The following PUS7 variants were observed in gnomAD, a reference collection of about 807,000 sequenced individuals.
PUS7 encodes pseudouridylate synthase 7 homolog.
Under a neutral mutation model 79.8 loss-of-function variants are expected in PUS7, and 48 were observed. The observed-to-expected ratio is 0.60, with a 90% CI of 0.48 to 0.76. The LOEUF (loss-of-function observed/expected upper bound fraction) is 0.76, where lower values mean the gene tolerates loss of function less well. Ranked by LOEUF, PUS7 falls within the 30% of genes least tolerant of loss-of-function variation. The pLI, the probability that PUS7 is intolerant of heterozygous loss-of-function variation, is 0.00. For synonymous variants in PUS7, 286 were observed against 272.2 expected, an observed-to-expected ratio of 1.05 and a Z score of -0.50; for missense variants, 729 against 797.6, an observed-to-expected ratio of 0.91 and a Z score of 1.04.
chr7:105,510,343 C>G (rs1293319485), intron 1 of PUS7, among the ~76,000 whole-genome samples: 3 of 151,754 alleles, frequency 2.0e-5, no homozygotes, highest in African/African-American at 7.3e-5. Flanking sequence ...TGTATAACCA[C>G]GCTTACTGAC....
At position 105,510,130 on chromosome 7, in the gene PUS7, G is replaced by A. The variant is rs116608663; in HGVS notation, c.-32-1586C>T. 9.3e-3 allele frequency among the ~76,000 whole-genome samples: 1,409 copies of A among 152,086 alleles called. 15 individuals carry two copies. Among genetic ancestry groups the A allele is most frequent in the African/African-American group, 0.033 (1,359 of 41,500 alleles). On this transcript the variant is annotated intron_variant, in intron 1 of 15. Coordinates refer to ENST00000469408, the MANE Select transcript of PUS7 (RefSeq NM_019042.5). ...AGCCCGATCAACAAGGAGAAATTCCGTCTCTACTGAAAATACAAAATTAGC... is the reference window on the plus strand; with the variant it reads ...AGCCCGATCAACAAGGAGAAATTCCATCTCTACTGAAAATACAAAATTAGC...
chr7:105,465,573 C>G (rs1020202561), intron 12 of PUS7, among the ~76,000 whole-genome samples, 159 bp from the exon 13 acceptor site: 2 of 152,190 alleles, frequency 1.3e-5, no homozygotes, highest in African/African-American at 4.8e-5. Flanking sequence ...TGGCTCACAC[C>G]TATAATCCCA....
At chr7:105,496,226 TAGAGAG>T (rs1220535538) in intron 5 of PUS7, among the ~76,000 whole-genome samples, 40 of 81,144 alleles carry the variant, frequency 4.9e-4, no homozygotes, top group East Asian at 2.4e-3. Flanking sequence ...TATATATATA[TAGAGAG>T]AGAGAGAGAG....
At chr7:105,521,748 C>A (rs1316189841) in intron 1 of PUS7, among the ~76,000 whole-genome samples, 4 of 152,098 alleles carry the variant, frequency 2.6e-5, no homozygotes, top group Admixed American at 2.0e-4. Context: ...GACAGCGCCG[C>A]GCGGGGAGGA....
chr7:105,468,570 T>C, intron 11 of PUS7, 107 bp from the exon 12 acceptor site: 1 of 1,008,208 alleles, frequency 9.9e-7, no homozygotes, highest in Non-Finnish European at 1.4e-6. Flanking sequence ...CAGGCTGGAG[T>C]GCAGTGGCAC....
intron 15 of PUS7, among the ~76,000 whole-genome samples, 161 bp from the exon 16 acceptor site, chr7:105,458,087 G>A (rs77976962): frequency 6.6e-6 from 1 of 152,162 alleles, no homozygotes; most frequent in African/African-American, 2.4e-5. Context: ...TAAGAGATCT[G>A]TGAGTGTGAA....
intron 7 of PUS7, among the ~76,000 whole-genome samples, chr7:105,485,129 ACAGGGGT>A (rs1315967706): frequency 6.6e-6 from 1 of 152,048 alleles, no homozygotes; most frequent in Non-Finnish European, 1.5e-5. Flanking sequence ...TGCTGGGATT[ACAGGGGT>A]CAGCCACCAC....
intron 14 of PUS7, 200 bp downstream of exon 14, chr7:105,462,421 A>G (rs1823468728): frequency 3.8e-6 from 2 of 531,454 alleles, no homozygotes; most frequent in Non-Finnish European, 6.4e-6. Flanking sequence ...GACTAGTGAA[A>G]CTCCGTCTCA....
In PUS7 at chr7:105,481,163, G is replaced by C; in HGVS notation, c.1064C>G (p.Thr355Ser). 1 of 1,608,202 alleles carries C rather than the reference G, an allele frequency of 6.2e-7. No homozygotes were observed. Among genetic ancestry groups the C allele is most frequent in the Non-Finnish European group, 8.5e-7 (1 of 1,177,488 alleles). Residue 355 changes from threonine to serine, a missense_variant, in exon 9 of 16, where the codon ACT (threonine) becomes AGT (serine). Coordinates refer to ENST00000469408, the MANE Select transcript of PUS7 (RefSeq NM_019042.5). The stretch of plus-strand genomic sequence containing the variant: ...CATAGCTTGCTGTACTTGGTCATCA[G>C]TTCCTGTTATATTTCTACAGGGACA... ...FTVVLRNITGTDDQVQQAMNS... is the reference protein window; with the variant it reads ...FTVVLRNITGSDDQVQQAMNS...
chr7:105,492,369 G>C (rs1325106503), intron 6 of PUS7, among the ~76,000 whole-genome samples: 1 of 151,994 alleles, frequency 6.6e-6, no homozygotes, highest in Admixed American at 6.6e-5. Flanking sequence ...CTGTCACCCA[G>C]GCTGGAGTGC....
In PUS7 at chr7:105,482,325, T is replaced by C; in HGVS notation, c.1036A>G (p.Thr346Ala). ...KLGELQGNHF[T>A]VVLRNITGTD... ...GCAGTTCTTTACCTGAGAACAACAG[T>C]GAAGTGGTTTCCTTGAAGCTCTCCC... is the stretch of plus-strand genomic sequence containing the variant. The change falls in exon 8 of 16, where the codon ACT (threonine) becomes GCT (alanine). Residue 346 changes from threonine to alanine, a missense_variant. Physicochemically the swap from Thr to Ala is moderately conservative, Grantham distance 58. Transcript: ENST00000469408. 6.2e-7 allele frequency: 1 copy of C among 1,613,508 alleles called. No homozygotes were observed. Among genetic ancestry groups the C allele is most frequent in the Non-Finnish European group, 8.5e-7 (1 of 1,179,686 alleles).
chr7:105,490,631 A>T (rs1824743310), intron 7 of PUS7, among the ~76,000 whole-genome samples: 1 of 152,078 alleles, frequency 6.6e-6, no homozygotes, highest in Non-Finnish European at 1.5e-5. Flanking sequence ...ATCCTGCCTA[A>T]CTCCTAGATC....
chr7:105,460,849 G>T (rs74828760), intron 14 of PUS7, among the ~76,000 whole-genome samples: 1 of 37,350 alleles, frequency 2.7e-5, no homozygotes, highest in Non-Finnish European at 4.8e-5. Flanking sequence ...GCGAGACTCC[G>T]TCTCAAAAAA....
At chr7:105,469,234 CTTTTTCTTTTTAATCTCTCA>C (rs1823779530) in intron 11 of PUS7, among the ~76,000 whole-genome samples, 1 of 151,824 alleles carries the variant, frequency 6.6e-6, no homozygotes. Flanking sequence ...CTCATTTTTT[CTTTTTCTTTTTAATCTCTCA>C]TTTTTCTTTT....
chr7:105,479,683 A>G (rs1187688159), intron 9 of PUS7, among the ~76,000 whole-genome samples: 2 of 152,204 alleles, frequency 1.3e-5, no homozygotes, highest in Non-Finnish European at 2.9e-5. Context: ...TAATTTTATC[A>G]TTTATTACAT....
chr7:105,486,021 T>G (rs1482718947), intron 7 of PUS7, among the ~76,000 whole-genome samples: 1 of 151,766 alleles, frequency 6.6e-6, no homozygotes, highest in Non-Finnish European at 1.5e-5. Context: ...CCAGGTGCTA[T>G]ATTTATTTTT....
At chr7:105,478,486 C>CT (rs1824194510) in intron 9 of PUS7, among the ~76,000 whole-genome samples, 4 of 152,176 alleles carry the variant, frequency 2.6e-5, no homozygotes, top group African/African-American at 9.6e-5. Context: ...TATTCTCTGC[C>CT]TTTTTTATTT....
intron 4 of PUS7, among the ~76,000 whole-genome samples, chr7:105,503,910 T>C (rs1825353206): frequency 6.6e-6 from 1 of 152,082 alleles, no homozygotes; most frequent in Admixed American, 6.6e-5. Context: ...TGGAATTCCA[T>C]GCCTGAGCCA....
chr7:105,507,889 T>A (rs1825536195), intron 2 of PUS7, among the ~76,000 whole-genome samples: 1 of 152,034 alleles, frequency 6.6e-6, no homozygotes, highest in African/African-American at 2.4e-5. Flanking sequence ...CCAGCCTGGG[T>A]GACAGAGTGA....
Sources: gnomAD v4.1 joint callset for allele counts (sites outside exome capture counted in the v4.1 genomes callset) on GRCh38, gnomAD v4.1.1 for gene constraint, MANE v1.5 for transcripts, NCBI Gene and HGNC (gene_info 2026-07-23, HGNC 2026-07-21) for gene names.